AIDA: variants seen among roughly 807,000 people sequenced by gnomAD.
AIDA encodes the protein axin interactor, dorsalization associated.
A neutral mutation model predicts 42.7 loss-of-function variants in AIDA; 18 were observed. The ratio of observed to expected loss-of-function variants is 0.42; its 90% CI spans 0.29 to 0.63. The LOEUF is 0.63. Ranked by LOEUF, AIDA falls within the 20% of genes least tolerant of loss-of-function variation. The pLI is 0.19. For missense variants in AIDA, 250 were observed against 354.1 expected (o/e 0.71, Z 2.36); for synonymous variants, 104 against 122.9 (o/e 0.85, Z 1.02).
chr1:222,688,747 G>A (rs1018643933), intron 4 of AIDA, among the ~76,000 whole-genome samples: 14 of 152,196 alleles, frequency 9.2e-5, no homozygotes, highest in East Asian at 5.8e-4. Context: ...TTACAGGCAT[G>A]AGCCAACAAA....
Position 222,692,009 on chromosome 1 carries a change from AAT to A in AIDA, c.289+1778_289+1779del, listed in dbSNP as rs573846602. On this transcript the variant is annotated intron_variant, in intron 4 of 9. Transcript: ENST00000340020. ...CAAATGTAGAGTGTATCAAATATTT[AAT>A]ATATGTGGATAATGTTGGAAGGAAA... 1.1e-3 allele frequency among the ~76,000 whole-genome samples: 174 copies of A among 152,314 alleles called. 1 individual carries two copies. Among genetic ancestry groups the A allele is most frequent in the African/African-American group, 3.9e-3 (164 of 41,564 alleles).
intron 5 of AIDA, 37 bp from the exon 6 acceptor site, chr1:222,687,073 A>G (rs1490081638): frequency 5.6e-6 from 9 of 1,599,632 alleles, no homozygotes; most frequent in South Asian, 3.4e-5. Context: ...AACAAACTGC[A>G]AAACTAAATA....
chr1:222,698,515 G>C (rs547098042), intron 2 of AIDA, among the ~76,000 whole-genome samples: 1 of 147,110 alleles, frequency 6.8e-6, no homozygotes, highest in African/African-American at 2.5e-5. Flanking sequence ...GCAGTGGTGT[G>C]ATTTCGGCTC....
chr1:222,710,615 G>C (rs1444512780), intron 1 of AIDA, among the ~76,000 whole-genome samples: 2 of 152,182 alleles, frequency 1.3e-5, no homozygotes, highest in African/African-American at 4.8e-5. Context: ...GTATGGAAGG[G>C]TGTGTTCTCC....
intron 2 of AIDA, among the ~76,000 whole-genome samples, chr1:222,697,006 G>A (rs1655538749): frequency 6.6e-6 from 1 of 151,870 alleles, no homozygotes; most frequent in Non-Finnish European, 1.5e-5. Context: ...GCAGTGGCAC[G>A]GTCTCAGCTT....
intron 7 of AIDA, among the ~76,000 whole-genome samples, chr1:222,674,466 T>G (rs1248676293): frequency 6.6e-6 from 1 of 152,186 alleles, no homozygotes. Context: ...TACCCCTAAT[T>G]TCCAAACTTG....
intron 2 of AIDA, among the ~76,000 whole-genome samples, chr1:222,702,545 T>A (rs955256695): frequency 1.3e-5 from 2 of 152,180 alleles, no homozygotes; most frequent in African/African-American, 4.8e-5. Context: ...ACACAAAAAA[T>A]TTAATTCAAG....
At chr1:222,698,281 T>A (rs1655577074) in intron 2 of AIDA, among the ~76,000 whole-genome samples, 1 of 152,182 alleles carries the variant, frequency 6.6e-6, no homozygotes, top group Non-Finnish European at 1.5e-5. Flanking sequence ...GATCAGTAGT[T>A]CTGCTTTAGA....
At chr1:222,698,511 G>C (rs920141180) in intron 2 of AIDA, among the ~76,000 whole-genome samples, 1 of 149,314 alleles carries the variant, frequency 6.7e-6, no homozygotes, top group Admixed American at 6.7e-5. Flanking sequence ...GGGTGCAGTG[G>C]TGTGATTTCG....
intron 4 of AIDA, among the ~76,000 whole-genome samples, chr1:222,693,156 T>C (rs544528529): frequency 9.8e-5 from 15 of 152,308 alleles, no homozygotes; most frequent in African/African-American, 3.6e-4. Context: ...GATGGATAAA[T>C]AGACTCTATA....
chr1:222,684,822 G>T (rs1285113267), intron 6 of AIDA, among the ~76,000 whole-genome samples: 1 of 152,154 alleles, frequency 6.6e-6, no homozygotes, highest in Non-Finnish European at 1.5e-5. Context: ...ACCCCATAAA[G>T]ACCTTAATCT....
At chr1:222,692,246 G>A (rs1327671322) in intron 4 of AIDA, among the ~76,000 whole-genome samples, 1 of 152,136 alleles carries the variant, frequency 6.6e-6, no homozygotes, top group African/African-American at 2.4e-5. Context: ...TGAACACAAA[G>A]TACATCATGG....
chr1:222,671,608 C>A (rs560104797), intron 8 of AIDA, among the ~76,000 whole-genome samples: 8 of 152,228 alleles, frequency 5.3e-5, no homozygotes, highest in Non-Finnish European at 7.4e-5. Context: ...GAAAAAAAAA[C>A]CAATTGCTCA....
Position 222,685,464 on chromosome 1 carries a change from G to C in AIDA, c.460+1466C>G, listed in dbSNP as rs137988237. 1.5e-3 allele frequency among the ~76,000 whole-genome samples: 226 copies of C among 152,280 alleles called. 6 individuals carry two copies. The South Asian group carries it at 0.021, about 14-fold the overall frequency. ...CTACTCCAAATGACTACTGTTCAAG[G>C]AGTATTCAAAATACTGGAATATTAA... On this transcript the variant is annotated intron_variant, in intron 6 of 9. Transcript: ENST00000340020.
At chr1:222,702,022 C>A (rs1291838797) in intron 2 of AIDA, among the ~76,000 whole-genome samples, 36 of 112,276 alleles carry the variant, frequency 3.2e-4, no homozygotes, top group African/African-American at 9.7e-4. Flanking sequence ...CCACACCCAG[C>A]CAAAAAAAAA....
intron 1 of AIDA, among the ~76,000 whole-genome samples, chr1:222,705,165 T>C (rs1233964122): frequency 6.6e-6 from 1 of 152,274 alleles, no homozygotes; most frequent in Admixed American, 6.5e-5. Context: ...TTAGTCGAAC[T>C]GCTTCTATTC....
At chr1:222,688,545 A>G (rs903196480) in intron 4 of AIDA, among the ~76,000 whole-genome samples, 1 of 152,102 alleles carries the variant, frequency 6.6e-6, no homozygotes, top group Non-Finnish European at 1.5e-5. Flanking sequence ...TACTGTACTT[A>G]CTACATTTTT....
chr1:222,684,269 G>A (rs894451090), intron 6 of AIDA, among the ~76,000 whole-genome samples: 5 of 151,926 alleles, frequency 3.3e-5, no homozygotes, highest in East Asian at 1.9e-4. Context: ...CCACCACCAC[G>A]CCTGGCTAAT....
chr1:222,685,314 C>T (rs1664724977), intron 6 of AIDA, among the ~76,000 whole-genome samples: 1 of 152,132 alleles, frequency 6.6e-6, no homozygotes, highest in African/African-American at 2.4e-5. Flanking sequence ...CTATCATTAT[C>T]CCATTTTATA....
Sources: allele counts gnomAD v4.1 joint callset (sites outside exome capture counted in the v4.1 genomes callset), GRCh38; gene constraint gnomAD v4.1.1; transcripts MANE v1.5; gene names NCBI Gene and HGNC (gene_info 2026-07-23, HGNC 2026-07-21).